HOOK3: variants seen among roughly 807,000 people sequenced by gnomAD.
HOOK3 encodes protein Hook homolog 3.
Under a neutral mutation model 116.3 loss-of-function variants are expected in HOOK3, and 24 were observed. That is an observed-to-expected ratio of 0.21 (90% CI 0.15 to 0.29). HOOK3 has a LOEUF of 0.29. Ranked by LOEUF, HOOK3 falls within the 10% of genes least tolerant of loss-of-function variation. The pLI is 1.00. For missense variants in HOOK3, 632 were observed against 830.2 expected (o/e 0.76, Z 2.93); for synonymous variants, 275 against 283.0 (o/e 0.97, Z 0.28).
chr8:42,938,292 T>C (rs1455874129), intron 4 of HOOK3, among the ~76,000 whole-genome samples: 2 of 151,806 alleles, frequency 1.3e-5, no homozygotes, highest in Non-Finnish European at 2.9e-5. Flanking sequence ...ATATGTGTCT[T>C]TGCATGTGAG....
chr8:43,010,064 A>G (rs1809574842), intron 18 of HOOK3, among the ~76,000 whole-genome samples: 1 of 151,026 alleles, frequency 6.6e-6, no homozygotes, highest in Admixed American at 6.6e-5. Context: ...ATGTACTTCC[A>G]TACTGGAGTT....
At chr8:42,981,011 C>G (rs949937635) in intron 13 of HOOK3, among the ~76,000 whole-genome samples, 1 of 151,954 alleles carries the variant, frequency 6.6e-6, no homozygotes, top group East Asian at 1.9e-4. Flanking sequence ...AGATGTGCCC[C>G]TTCAGTCTTG....
intron 1 of HOOK3, among the ~76,000 whole-genome samples, chr8:42,905,336 G>GGGGGT (rs1204044294): frequency 7.7e-5 from 10 of 129,458 alleles, no homozygotes; most frequent in Non-Finnish European, 1.4e-4. Context: ...GGGGGGGGGG[G>GGGGGT]TGCCGTGGTG....
rs1054823410 is a variant in HOOK3, at chr8:43,020,439, C to G, written c.*1941C>G. 5.3e-6 allele frequency: 1 copy of G among 187,686 alleles called. No individual in the cohort carries two copies. The highest frequency in any genetic ancestry group is 1.1e-5 in the Non-Finnish European group (1 of 89,134). The allele number at this position is 187,686 out of a possible 1,614,324, so 11.6% of individuals were successfully genotyped here. Reference sequence around the variant, plus strand: ...ATTTTTAAAGCAAATTGGGGCCAGACGTGGTGCCTCACGCCTGCAATCTCA... The same window carrying G: ...ATTTTTAAAGCAAATTGGGGCCAGAGGTGGTGCCTCACGCCTGCAATCTCA... On this transcript the variant is annotated 3_prime_UTR_variant, in exon 22 of 22. Coordinates refer to ENST00000307602, the MANE Select transcript of HOOK3 (RefSeq NM_032410.4).
intron 18 of HOOK3, 51 bp downstream of exon 18, chr8:43,007,980 C>T: frequency 1.2e-6 from 1 of 835,450 alleles, no homozygotes. Context: ...TGTATACTGC[C>T]ATAGTGATAG....
At chr8:42,929,538 T>C (rs2130363424) in intron 3 of HOOK3, among the ~76,000 whole-genome samples, 1 of 152,308 alleles carries the variant, frequency 6.6e-6, no homozygotes, top group South Asian at 2.1e-4. Context: ...TAGTTTACAA[T>C]AAATAGGGCA....
chr8:43,016,353 T>G (rs1344364719), intron 21 of HOOK3, among the ~76,000 whole-genome samples: 1 of 151,452 alleles, frequency 6.6e-6, no homozygotes, highest in Non-Finnish European at 1.5e-5. Flanking sequence ...ATCTCCTGAC[T>G]TCATGATCCA....
chr8:42,985,630 C>T (rs921836922), intron 14 of HOOK3, among the ~76,000 whole-genome samples: 8 of 151,898 alleles, frequency 5.3e-5, no homozygotes, highest in African/African-American at 1.9e-4. Flanking sequence ...AATATACGGT[C>T]CATGTTGCCC....
chr8:42,919,421 G>C (rs1179607169), intron 2 of HOOK3, among the ~76,000 whole-genome samples: 1 of 150,428 alleles, frequency 6.6e-6, no homozygotes, highest in Non-Finnish European at 1.5e-5. Flanking sequence ...CATCCCAGAC[G>C]ATGGGCGGCT....
intron 16 of HOOK3, among the ~76,000 whole-genome samples, chr8:42,998,377 G>C (rs1449846488): frequency 6.6e-6 from 1 of 152,114 alleles, no homozygotes; most frequent in Non-Finnish European, 1.5e-5. Flanking sequence ...AAATTTTGGT[G>C]ATCAGTCTTT....
At chr8:42,926,487 T>C (rs1046035027) in intron 3 of HOOK3, among the ~76,000 whole-genome samples, 11 of 152,294 alleles carry the variant, frequency 7.2e-5, no homozygotes, top group African/African-American at 2.6e-4. Flanking sequence ...GGTTTCACCC[T>C]GTTGACCAGG....
At chr8:43,008,576 C>T (rs1237291050) in intron 18 of HOOK3, among the ~76,000 whole-genome samples, 1 of 152,096 alleles carries the variant, frequency 6.6e-6, no homozygotes, top group African/African-American at 2.4e-5. Flanking sequence ...ACCTCAGTCT[C>T]CCAAAGTACT....
chr8:42,900,045 C>T (rs1174292843), intron 1 of HOOK3, among the ~76,000 whole-genome samples: 1 of 152,138 alleles, frequency 6.6e-6, no homozygotes, highest in African/African-American at 2.4e-5. Flanking sequence ...CTCAATGGAA[C>T]GTCTCATTGC....
intron 2 of HOOK3, among the ~76,000 whole-genome samples, chr8:42,907,855 A>G (rs1469745510): frequency 2.0e-5 from 3 of 150,312 alleles, no homozygotes; most frequent in African/African-American, 7.3e-5. Context: ...AAAGGTGTCT[A>G]AATAGGAAAG....
chr8:42,926,136 GA>G (rs1807760888), intron 3 of HOOK3, among the ~76,000 whole-genome samples: 2 of 152,004 alleles, frequency 1.3e-5, no homozygotes, highest in South Asian at 2.1e-4. Context: ...CTTACAATAA[GA>G]AAAAAAGTTT....
At chr8:42,923,088 GC>G (rs1010380316) in intron 2 of HOOK3, among the ~76,000 whole-genome samples, 1 of 152,122 alleles carries the variant, frequency 6.6e-6, no homozygotes, top group Non-Finnish European at 1.5e-5. Context: ...ATATACAATG[GC>G]CAATAAGCAC....
At chr8:42,897,564 G>A (rs573565675) in intron 1 of HOOK3, among the ~76,000 whole-genome samples, 122 of 152,354 alleles carry the variant, frequency 8.0e-4, no homozygotes, top group African/African-American at 2.7e-3. Context: ...GCTCCGGCCC[G>A]GGAACTGAAA....
intron 13 of HOOK3, among the ~76,000 whole-genome samples, chr8:42,977,365 A>G (rs1808849130): frequency 6.6e-6 from 1 of 152,142 alleles, no homozygotes; most frequent in Non-Finnish European, 1.5e-5. Context: ...CAACCACAGA[A>G]GGGTGTGAGA....
intron 1 of HOOK3, among the ~76,000 whole-genome samples, chr8:42,905,565 A>G (rs1807289231): frequency 6.6e-6 from 1 of 151,970 alleles, no homozygotes; most frequent in Non-Finnish European, 1.5e-5. Context: ...AGTCACTGGT[A>G]GAGGGGATGA....
Sources: allele counts gnomAD v4.1 joint callset (sites outside exome capture counted in the v4.1 genomes callset), GRCh38; gene constraint gnomAD v4.1.1; transcripts MANE v1.5; gene names NCBI Gene and HGNC (gene_info 2026-07-23, HGNC 2026-07-21).